PALMD: variants seen among roughly 807,000 people sequenced by gnomAD.
PALMD encodes the protein palmdelphin, also known as paralemmin-like protein.
Under a neutral mutation model 56.2 loss-of-function variants are expected in PALMD, and 42 were observed. The observed-to-expected ratio is 0.75, with a 90% CI of 0.58 to 0.97. The LOEUF (loss-of-function observed/expected upper bound fraction) is 0.97, where lower values mean the gene tolerates loss of function less well. Among genes scored for constraint, PALMD ranks in the 50% least tolerant of loss-of-function variants. The probability of loss-of-function intolerance (pLI) is 0.00; values close to 1 mark genes in which losing one functional copy is unlikely to be tolerated. For synonymous variants in PALMD, 242 were observed against 222.9 expected (o/e 1.09, Z -0.76); for missense variants, 660 against 643.8 (o/e 1.03, Z -0.27).
chr1:99,683,306 A>C (rs1007392223), intron 3 of PALMD: 3 of 152,176 alleles, frequency 2.0e-5, no homozygotes, highest in African/African-American at 7.2e-5. Context: ...ACCAACTCCC[A>C]AATGTATATC....
chr1:99,654,140 C>G lies in PALMD; in HGVS notation c.45+7778C>G, dbSNP rs77215739. Among the ~76,000 whole-genome samples, 985 of 152,138 alleles carry G rather than the reference C, an allele frequency of 6.5e-3. 11 individuals carry two copies. The highest frequency in any genetic ancestry group is 0.022 in the African/African-American group (928 of 41,582). On this transcript the variant is annotated intron_variant, in intron 1 of 7. Coordinates refer to ENST00000263174, the MANE Select transcript of PALMD (RefSeq NM_017734.5). ...TTCAACACAAGTTCCACCACTCGATCAATCACGTGACTTGAGAAAGTTAAT... is the reference window on the plus strand; with the variant it reads ...TTCAACACAAGTTCCACCACTCGATGAATCACGTGACTTGAGAAAGTTAAT...
intron 7 of PALMD, 88 bp from the exon 8 acceptor site, chr1:99,693,931 T>C: frequency 2.3e-6 from 2 of 866,922 alleles, no homozygotes; most frequent in Non-Finnish European, 3.8e-6. Context: ...AGGTATGTTC[T>C]AAACTTTCCT....
At chr1:99,675,058 G>T (rs1653171302) in intron 3 of PALMD, among the ~76,000 whole-genome samples, 2 of 152,076 alleles carry the variant, frequency 1.3e-5, no homozygotes, top group Non-Finnish European at 2.9e-5. Context: ...ACCACCCAAG[G>T]TTATCTGATT....
intron 1 of PALMD, among the ~76,000 whole-genome samples, chr1:99,648,062 A>G (rs1652483661): frequency 6.6e-6 from 1 of 152,174 alleles, no homozygotes; most frequent in African/African-American, 2.4e-5. Context: ...TGCTTTTTTG[A>G]TGATTAAAAA....
intron 3 of PALMD, among the ~76,000 whole-genome samples, chr1:99,682,033 G>A (rs959604303): frequency 5.3e-5 from 8 of 152,116 alleles, no homozygotes; most frequent in South Asian, 2.1e-4. Context: ...AGGAGGTTGC[G>A]GGGGTTCTGG....
intron 3 of PALMD, among the ~76,000 whole-genome samples, chr1:99,681,556 A>T (rs1557673239): frequency 6.6e-6 from 1 of 152,324 alleles, no homozygotes; most frequent in South Asian, 2.1e-4. Flanking sequence ...AAAAAATAAA[A>T]ATATAAAAGA....
rs1372227817 is a variant in PALMD, at chr1:99,694,028, T to A, written c.1622T>A (p.Met541Lys). ...TEDPSLTALR[M>K]RMAKLGKKVI ...TTTCTTTAATTTGCAGCTTTAAGGA[T>A]GAGAATGGCAAAGCTGGGAAAAAAG... The change falls in exon 8 of 8, where the codon ATG becomes AAG. Residue 541 changes from methionine (M) to lysine (K), a missense_variant. By Grantham distance (95) the Met-to-Lys change is moderately conservative (BLOSUM62 -1). Coordinates refer to ENST00000263174, the MANE Select transcript of PALMD (RefSeq NM_017734.5). 1.2e-6 allele frequency: 2 copies of A among 1,603,046 alleles called. No homozygotes were observed. The highest frequency in any genetic ancestry group is 1.7e-5 in the Admixed American group (1 of 59,450).
rs1449175698 is a variant in PALMD at position 99,683,048 on chromosome 1, GAA to G, written c.252-3626_252-3625del. On this transcript the variant is annotated intron_variant, in intron 3 of 7. Coordinates refer to ENST00000263174, the MANE Select transcript of PALMD (RefSeq NM_017734.5). ...AGAAAGAAAGAAAGAAAGAAAGAAA[GAA>G]AGAAAGAGAGAGAGAGAGAGAGAGA... 1.2e-3 allele frequency among the ~76,000 whole-genome samples: 15 copies of G among 12,972 alleles called. No individual in the cohort carries two copies. In the East Asian group the frequency reaches 0.019, roughly 17 times the overall value. 8.5% of individuals were successfully genotyped at this position (12,972 alleles called of 152,430 possible).
At chr1:99,648,034 C>A (rs1652483016) in intron 1 of PALMD, among the ~76,000 whole-genome samples, 1 of 152,060 alleles carries the variant, frequency 6.6e-6, no homozygotes, top group South Asian at 2.1e-4. Context: ...TAAGTAGCTT[C>A]CTGAATATGC....
At chr1:99,651,049 T>C (rs986043444) in intron 1 of PALMD, among the ~76,000 whole-genome samples, 2 of 152,214 alleles carry the variant, frequency 1.3e-5, no homozygotes, top group African/African-American at 4.8e-5. Flanking sequence ...TTCTAATTTG[T>C]CAGGAGCTTC....
chr1:99,674,210 A>C (rs1182337018), intron 3 of PALMD, among the ~76,000 whole-genome samples: 1 of 152,074 alleles, frequency 6.6e-6, no homozygotes, highest in Admixed American at 6.6e-5. Flanking sequence ...ATACCTGCCA[A>C]TCTCATCTAT....
Position 99,694,334 on chromosome 1 carries a change from A to G in PALMD, c.*272A>G, listed in dbSNP as rs1255681797. On this transcript the variant is annotated 3_prime_UTR_variant, in exon 8 of 8. Transcript: ENST00000263174. ...TTCTATTGATACCAAAGCATTTCTA[A>G]TAAGAGCTTGTTAAATTTAAGAATA... 3.5e-6 allele frequency: 1 copy of G among 289,188 alleles called. No individual in the cohort carries two copies. The highest frequency in any genetic ancestry group is 6.5e-6 in the Non-Finnish European group (1 of 153,892). The allele number at this position is 289,188 out of a possible 1,614,324, so 17.9% of individuals were successfully genotyped here. A position where few individuals can be genotyped will look rare whatever the true frequency, so the allele number is the denominator to read the frequency against.
At position 99,687,178 on chromosome 1, in the gene PALMD, A is replaced by G; in HGVS notation, c.503A>G (p.Gln168Arg). The G allele has an allele frequency of 6.2e-7, 1 of 1,602,668 alleles. No individual in the cohort carries two copies. The highest frequency in any genetic ancestry group is 8.5e-7 in the Non-Finnish European group (1 of 1,173,302). Reference sequence around the variant, plus strand: ...AATGAAGAAAAAGAAGATGATGAACAAAATAGGAAAGGTATATGAGAAATC... The same window carrying G: ...AATGAAGAAAAAGAAGATGATGAACGAAATAGGAAAGGTATATGAGAAATC... ...EINEEKEDDE[Q>R]NRKALYAMEI... Residue 168 changes from glutamine (Q) to arginine (R), a missense_variant, in exon 6 of 8, where the codon CAA becomes CGA. Coordinates refer to ENST00000263174, the MANE Select transcript of PALMD (RefSeq NM_017734.5).
chr1:99,664,270 T>G (rs1391285332), intron 2 of PALMD, among the ~76,000 whole-genome samples: 4 of 152,216 alleles, frequency 2.6e-5, no homozygotes. Context: ...TAATTTAAAC[T>G]ACAGTATAAT....
intron 3 of PALMD, among the ~76,000 whole-genome samples, chr1:99,670,682 T>C (rs1006104017): frequency 3.9e-5 from 6 of 152,174 alleles, no homozygotes; most frequent in African/African-American, 1.4e-4. Flanking sequence ...AAAGAATTTG[T>C]TTTCTTGTGA....
intron 1 of PALMD, among the ~76,000 whole-genome samples, chr1:99,658,843 G>A (rs576438615): frequency 6.6e-6 from 1 of 152,132 alleles, no homozygotes; most frequent in East Asian, 1.9e-4. Context: ...CTACTTGAGA[G>A]GCTGAGGCAG....
rs201770862 is a variant in PALMD, at chr1:99,689,456, T to C, written c.1196T>C (p.Ile399Thr). ...GACGAGGAAGATGTCAGATATAATA[T>C]CGTTCATTCCCTGCCTCCAGACATA... is the stretch of plus-strand genomic sequence containing the variant. Reference protein sequence around the residue: ...QEDEEDVRYNIVHSLPPDIND... With the variant: ...QEDEEDVRYNTVHSLPPDIND... Residue 399 changes from isoleucine (I) to threonine (T), a missense_variant, in exon 7 of 8, where the codon ATC (isoleucine) becomes ACC (threonine). Transcript: ENST00000263174. The C allele has an allele frequency of 2.1e-4, 331 of 1,613,546 alleles. No homozygotes were observed. Among genetic ancestry groups the C allele is most frequent in the Non-Finnish European group, 2.7e-4 (317 of 1,179,788 alleles).
intron 3 of PALMD, chr1:99,669,544 AC>A (rs1476230238): frequency 6.6e-6 from 1 of 152,272 alleles, no homozygotes; most frequent in Non-Finnish European, 1.5e-5. Flanking sequence ...CACTGCACAG[AC>A]ACCTACTTGC....
chr1:99,672,760 A>G (rs1290776536), intron 3 of PALMD, among the ~76,000 whole-genome samples: 1 of 152,222 alleles, frequency 6.6e-6, no homozygotes, highest in African/African-American at 2.4e-5. Flanking sequence ...CATAAGCATG[A>G]AATGTAAAAG....
Sources: gnomAD v4.1 joint callset for allele counts (sites outside exome capture counted in the v4.1 genomes callset) on GRCh38, gnomAD v4.1.1 for gene constraint, MANE v1.5 for transcripts, NCBI Gene and HGNC (gene_info 2026-07-23, HGNC 2026-07-21) for gene names.